ZNF860: variants seen among roughly 807,000 people sequenced by gnomAD.
ZNF860 encodes zinc finger protein 860.
For missense variants in ZNF860, 641 were observed against 759.2 expected, an observed-to-expected ratio of 0.84 and a Z score of 1.83; for synonymous variants, 206 against 248.9, an observed-to-expected ratio of 0.83 and a Z score of 1.62.
chr3:31,983,148 T>C (rs1394418862), intron 1 of ZNF860, among the ~76,000 whole-genome samples: 1 of 152,210 alleles, frequency 6.6e-6, no homozygotes, highest in African/African-American at 2.4e-5. Flanking sequence ...TTTAGCATTA[T>C]TTTTTACCAC....
the ZNF860 span, among the ~76,000 whole-genome samples, chr3:32,003,667 G>A: frequency 4.6e-5 from 7 of 152,142 alleles, no homozygotes; most frequent in Non-Finnish European, 1.0e-4. Context: ...TTCACTGGCC[G>A]AAACCAATCA....
Position 31,989,241 on chromosome 3 carries a change from G to A in ZNF860, c.162G>A (p.Leu54=), listed in dbSNP as rs1698987748. The A allele has an allele frequency of 1.9e-6, 3 of 1,614,000 alleles. No homozygotes were observed. Among genetic ancestry groups the A allele is most frequent in the South Asian group, 2.2e-5 (2 of 91,088 alleles). The change falls in exon 2 of 2, where the codon TTG becomes TTA. Residue 54 remains leucine (L), a synonymous_variant. Transcript: ENST00000360311. ...TQRALYRAMM[L]ENYRNLHSVD... ...GGGCTTTATACAGGGCCATGATGTT[G>A]GAGAACTACAGGAACCTGCATTCTG... is the stretch of plus-strand genomic sequence containing the variant.
At chr3:32,002,799 A>G in the ZNF860 span, among the ~76,000 whole-genome samples, 1 of 152,190 alleles carries the variant, frequency 6.6e-6, no homozygotes, top group Non-Finnish European at 1.5e-5. Flanking sequence ...TGGGAGAAAT[A>G]CTATTTATTG....
the ZNF860 span, among the ~76,000 whole-genome samples, chr3:31,999,882 C>T: frequency 2.0e-5 from 3 of 152,056 alleles, no homozygotes; most frequent in African/African-American, 7.2e-5. Context: ...GCCTGAAAAC[C>T]GAACCTTAAA....
Position 31,990,045 on chromosome 3 carries a change from T to A in ZNF860, c.966T>A (p.Val322=). The A allele has an allele frequency of 6.2e-7, 1 of 1,613,880 alleles. No individual in the cohort carries two copies. Among genetic ancestry groups the A allele is most frequent in the Non-Finnish European group, 8.5e-7 (1 of 1,179,936 alleles). ...KPYKCEECDK[V]FSRKSNLERH... ...ACAAATGTGAAGAATGTGACAAAGT[T>A]TTTAGTCGCAAATCAAATCTTGAAA... The change falls in exon 2 of 2, where the codon GTT becomes GTA. Residue 322 remains valine (V), a synonymous_variant. Coordinates refer to ENST00000360311, the MANE Select transcript of ZNF860 (RefSeq NM_001137674.3).
rs188309964 is a variant in ZNF860 at position 31,985,976 on chromosome 3, G to T, written c.-420-2684G>T. 4.6e-5 allele frequency among the ~76,000 whole-genome samples: 7 copies of T among 152,276 alleles called. No homozygotes were observed. The East Asian group carries it at 1.4e-3, about 29-fold the overall frequency. ...TGGTGGAGCCAGGATTTCAACTTAGGCAATTTGGCTACTGAGCGTGAGTTC... is the reference window on the plus strand; with the variant it reads ...TGGTGGAGCCAGGATTTCAACTTAGTCAATTTGGCTACTGAGCGTGAGTTC... On this transcript the variant is annotated intron_variant, in intron 1 of 1. Coordinates refer to ENST00000360311, the MANE Select transcript of ZNF860 (RefSeq NM_001137674.3).
chr3:31,997,974 G>T, the ZNF860 span, among the ~76,000 whole-genome samples: 5 of 151,896 alleles, frequency 3.3e-5, no homozygotes, highest in African/African-American at 1.2e-4. Context: ...TTATTTTTTT[G>T]TAGAGACTGG....
At chr3:31,996,469 A>C (rs578185945), downstream of ZNF860, among the ~76,000 whole-genome samples, 15 of 150,844 alleles carry the variant, frequency 9.9e-5, no homozygotes, top group South Asian at 3.1e-3. Flanking sequence ...CCTATGTGTG[A>C]TCTGAAGTCT....
Position 31,990,196 on chromosome 3 carries a change from A to C in ZNF860, c.1117A>C (p.Asn373His). 6.2e-7 allele frequency: 1 copy of C among 1,614,054 alleles called. No homozygotes were observed. The highest frequency in any genetic ancestry group is 8.5e-7 in the Non-Finnish European group (1 of 1,179,924). Reference sequence around the variant, plus strand: ...CACTGGAGAGAAACCTTACAAGTGTAATGAGTGTGGCAAAGCCTTTAGTGG... The same window carrying C: ...CACTGGAGAGAAACCTTACAAGTGTCATGAGTGTGGCAAAGCCTTTAGTGG... ...IHTGEKPYKC[N>H]ECGKAFSGQS... Residue 373 changes from asparagine to histidine, a missense_variant, in exon 2 of 2, where the codon AAT becomes CAT. Coordinates refer to ENST00000360311, the MANE Select transcript of ZNF860 (RefSeq NM_001137674.3).
chr3:31,994,432 G>A (rs908204003), downstream of ZNF860, among the ~76,000 whole-genome samples: 9 of 152,190 alleles, frequency 5.9e-5, no homozygotes, highest in African/African-American at 1.7e-4. Flanking sequence ...AGGTATATGA[G>A]GTCAAATGTC....
chr3:31,990,906 C>T lies in ZNF860; in HGVS notation c.1827C>T (p.Arg609=). ...AAGCCTTTACTTCACATTCACATCG[C>T]ATTAGACATCAGAGAATCCATACCG... The part of the protein sequence containing the change: ...CGKAFTSHSH[R]IRHQRIHTGQ... The change falls in exon 2 of 2, where the codon CGC becomes CGT. Residue 609 remains arginine (R), a synonymous_variant. Coordinates refer to ENST00000360311, the MANE Select transcript of ZNF860 (RefSeq NM_001137674.3). 6.4e-7 allele frequency: 1 copy of T among 1,574,232 alleles called. No homozygotes were observed. The highest frequency in any genetic ancestry group is 8.6e-7 in the Non-Finnish European group (1 of 1,158,632).
rs374051878 is a variant in ZNF860 at position 31,989,592 on chromosome 3, C to T, written c.513C>T (p.Thr171=). 238 of 1,614,116 alleles carry T rather than the reference C, an allele frequency of 1.5e-4. No individual in the cohort carries two copies. The highest frequency in any genetic ancestry group is 1.6e-4 in the Middle Eastern group (1 of 6,062). The change falls in exon 2 of 2, where the codon ACC becomes ACT. Residue 171 remains threonine, a synonymous_variant. Transcript: ENST00000360311. ...TTCCTGAACTCCACATATTTCAGAC[C>T]AAAGGGAAAGTTGGTAATCAAGTTG... is the stretch of plus-strand genomic sequence containing the variant. ...SHLPELHIFQ[T]KGKVGNQVEK... is the part of the protein sequence containing the mutation.
intron 1 of ZNF860, among the ~76,000 whole-genome samples, chr3:31,982,208 T>C (rs1010149694): frequency 1.3e-5 from 2 of 152,190 alleles, no homozygotes; most frequent in African/African-American, 4.8e-5. Flanking sequence ...TGAAGGATTC[T>C]CTGTGTTGGC....
chr3:31,992,652 G>T (rs1409409337), downstream of ZNF860, among the ~76,000 whole-genome samples: 1 of 152,120 alleles, frequency 6.6e-6, no homozygotes, highest in Non-Finnish European at 1.5e-5. Context: ...AGCACACCTG[G>T]ATGATCTTTT....
chr3:31,993,254 G>C (rs1414362052), downstream of ZNF860, among the ~76,000 whole-genome samples: 2 of 150,518 alleles, frequency 1.3e-5, no homozygotes, highest in Non-Finnish European at 3.0e-5. Flanking sequence ...TTGTTGACCA[G>C]GCTGGAGTGC....
intron 1 of ZNF860, among the ~76,000 whole-genome samples, chr3:31,984,330 G>A (rs955891330): frequency 2.0e-5 from 3 of 150,860 alleles, no homozygotes; most frequent in Non-Finnish European, 3.0e-5. Context: ...GTGAGCCACC[G>A]TACCGGGCCC....
downstream of ZNF860, among the ~76,000 whole-genome samples, chr3:31,993,312 C>T (rs192461935): frequency 8.6e-3 from 1,308 of 151,910 alleles, 26 homozygotes; most frequent in African/African-American, 0.03. Flanking sequence ...CAGGTTCAAG[C>T]ACTTCTCCTG....
rs777115470 is a variant in ZNF860 at position 31,990,728 on chromosome 3, A to G, written c.1649A>G (p.Lys550Arg). 8 of 1,613,932 alleles carry G rather than the reference A, an allele frequency of 5.0e-6. No homozygotes were observed. In the Admixed American group the frequency reaches 5.0e-5, roughly 10 times the overall value. ...CEECDTVFSR[K>R]SHHETHKRIH... ...GAATGTGACACAGTTTTCAGTCGCA[A>G]ATCACACCATGAAACACATAAGAGA... is the stretch of plus-strand genomic sequence containing the variant. The change falls in exon 2 of 2, where the codon AAA becomes AGA. Residue 550 changes from lysine (K) to arginine (R), a missense_variant. Physicochemically the swap from Lys to Arg is conservative, Grantham distance 26 (BLOSUM62 2). Coordinates refer to ENST00000360311, the MANE Select transcript of ZNF860 (RefSeq NM_001137674.3).
rs774851226 is a variant in ZNF860 at position 31,990,646 on chromosome 3, G to A, written c.1567G>A (p.Ala523Thr). 1.2e-6 allele frequency: 2 copies of A among 1,613,494 alleles called. No homozygotes were observed. The highest frequency in any genetic ancestry group is 2.7e-5 in the African/African-American group (2 of 74,720). Residue 523 changes from alanine (A) to threonine (T), a missense_variant, in exon 2 of 2, where the codon GCA becomes ACA. Coordinates refer to ENST00000360311, the MANE Select transcript of ZNF860 (RefSeq NM_001137674.3). ...ATGTGGCAAGGTTTTTAATCAACAA[G>A]CAACCCTTGCACGTCATCATAGACT... Reference protein sequence around the residue: ...NECGKVFNQQATLARHHRLHT... With the variant: ...NECGKVFNQQTTLARHHRLHT...
Sources: allele counts gnomAD v4.1 joint callset (sites outside exome capture counted in the v4.1 genomes callset), GRCh38; gene constraint gnomAD v4.1.1; transcripts MANE v1.5; gene names NCBI Gene and HGNC (gene_info 2026-07-23, HGNC 2026-07-21).